Variants in AFG2A observed in about 807,000 individuals in gnomAD.
AFG2A encodes AAA ATPase AFG2A.
the AFG2A span, among the ~76,000 whole-genome samples, chr4:123,285,834 G>A: frequency 1.8e-4 from 28 of 152,106 alleles, no homozygotes; most frequent in Non-Finnish European, 3.7e-4. Context: ...TAAATTGGGG[G>A]TAGGGGGAAG....
chr4:122,931,540 A>G, the AFG2A span, among the ~76,000 whole-genome samples: 1 of 152,218 alleles, frequency 6.6e-6, no homozygotes, highest in Non-Finnish European at 1.5e-5. Flanking sequence ...TTTTACATAG[A>G]TTATAACCTT....
the AFG2A span, among the ~76,000 whole-genome samples, chr4:123,312,005 T>C: frequency 6.6e-6 from 1 of 152,106 alleles, no homozygotes; most frequent in Non-Finnish European, 1.5e-5. Context: ...TGGTTACCTC[T>C]TTTTTTCTCA....
the AFG2A span, among the ~76,000 whole-genome samples, chr4:122,957,311 T>C: frequency 3.9e-5 from 6 of 152,220 alleles, no homozygotes; most frequent in African/African-American, 1.4e-4. Context: ...AGCAGACTAA[T>C]GTTGGTTGTG....
At chr4:123,151,757 G>A in the AFG2A span, among the ~76,000 whole-genome samples, 1 of 152,156 alleles carries the variant, frequency 6.6e-6, no homozygotes, top group Non-Finnish European at 1.5e-5. Flanking sequence ...AAGACCATTT[G>A]ACCTAGCAAT....
chr4:123,141,515 C>T, the AFG2A span, among the ~76,000 whole-genome samples: 1 of 152,176 alleles, frequency 6.6e-6, no homozygotes, highest in Admixed American at 6.5e-5. Context: ...CTATAGTGTA[C>T]TGTGTTGCCA....
the AFG2A span, among the ~76,000 whole-genome samples, chr4:123,117,170 A>T: frequency 1.3e-5 from 2 of 152,124 alleles, no homozygotes; most frequent in Non-Finnish European, 2.9e-5. Flanking sequence ...CTGTTATCAG[A>T]TGTTAAAAGA....
At chr4:122,963,297 T>A in the AFG2A span, among the ~76,000 whole-genome samples, 1 of 152,312 alleles carries the variant, frequency 6.6e-6, no homozygotes, top group South Asian at 2.1e-4. Flanking sequence ...ATACTGTCAT[T>A]CAAAGGTTGG....
the AFG2A span, among the ~76,000 whole-genome samples, chr4:122,946,184 G>A: frequency 6.6e-6 from 1 of 152,204 alleles, no homozygotes; most frequent in Non-Finnish European, 1.5e-5. Context: ...TGTGTTTATG[G>A]ATGACCATAT....
the AFG2A span, among the ~76,000 whole-genome samples, chr4:123,303,606 C>T: frequency 2.0e-5 from 3 of 151,860 alleles, no homozygotes; most frequent in East Asian, 5.8e-4. Context: ...CTCTATAAAA[C>T]ATAAAAAAGC....
chr4:122,964,501 C>CAA, the AFG2A span, among the ~76,000 whole-genome samples: 1 of 126,066 alleles, frequency 7.9e-6, no homozygotes. Flanking sequence ...AAGACTGTCT[C>CAA]AAAAAAAAAA....
the AFG2A span, among the ~76,000 whole-genome samples, chr4:122,963,664 A>G: frequency 6.6e-6 from 1 of 152,164 alleles, no homozygotes; most frequent in Non-Finnish European, 1.5e-5. Context: ...TTAGTTCCCT[A>G]CTTGGGAGGT....
the AFG2A span, among the ~76,000 whole-genome samples, chr4:123,288,833 GT>G: frequency 6.6e-6 from 1 of 152,092 alleles, no homozygotes; most frequent in Non-Finnish European, 1.5e-5. Context: ...GGCATGTGTG[GT>G]TTCAACCCCT....
chr4:123,042,859 A>G, the AFG2A span, among the ~76,000 whole-genome samples: 1 of 152,200 alleles, frequency 6.6e-6, no homozygotes, highest in South Asian at 2.1e-4. Flanking sequence ...TTTTACCTCT[A>G]AATACACAAT....
the AFG2A span, among the ~76,000 whole-genome samples, chr4:123,032,576 C>T: frequency 6.6e-6 from 1 of 152,008 alleles, no homozygotes; most frequent in African/African-American, 2.4e-5. Context: ...CGACTATGCC[C>T]GACTAATTTT....
the AFG2A span, among the ~76,000 whole-genome samples, chr4:123,308,692 G>T: frequency 3.3e-5 from 5 of 152,292 alleles, no homozygotes; most frequent in African/African-American, 1.2e-4. Flanking sequence ...AAAGGTTGGG[G>T]ACTGCTTATC....
the AFG2A span, chr4:122,927,488 C>A: frequency 1.4e-6 from 1 of 692,766 alleles, no homozygotes. Context: ...TTTGTTATAA[C>A]AAAAGTTGGA....
the AFG2A span, among the ~76,000 whole-genome samples, chr4:123,075,997 A>G: frequency 6.7e-6 from 1 of 150,314 alleles, no homozygotes; most frequent in Admixed American, 6.6e-5. Flanking sequence ...ACAAAAAAAA[A>G]AGAAAGCTCC....
At chr4:123,221,784 A>G in the AFG2A span, among the ~76,000 whole-genome samples, 20,639 of 151,836 alleles carry the variant, frequency 0.14, 4,180 homozygotes, top group African/African-American at 0.44. Flanking sequence ...AAAATTAGAC[A>G]GGCATAGTGG....
At chr4:123,023,257 A>C in the AFG2A span, among the ~76,000 whole-genome samples, 1 of 152,168 alleles carries the variant, frequency 6.6e-6, no homozygotes, top group Non-Finnish European at 1.5e-5. Context: ...TCTTTGATGA[A>C]GTCCCATGAT....
Sources: allele counts gnomAD v4.1 joint callset (sites outside exome capture counted in the v4.1 genomes callset), GRCh38; gene constraint gnomAD v4.1.1; transcripts MANE v1.5; gene names NCBI Gene and HGNC (gene_info 2026-07-23, HGNC 2026-07-21).